PRELID2: variants seen among roughly 807,000 people sequenced by gnomAD.
PRELID2 encodes PRELI domain-containing protein 2.
A neutral mutation model predicts 28.4 loss-of-function variants in PRELID2; 25 were observed. The observed-to-expected ratio is 0.88, with a 90% CI of 0.64 to 1.23. PRELID2 has a LOEUF of 1.23. Ranked by LOEUF, PRELID2 falls within the 50% of genes most tolerant of loss-of-function variation. The pLI is 0.00. For synonymous variants in PRELID2, 76 were observed against 71.6 expected, an observed-to-expected ratio of 1.06 and a Z score of -0.31; for missense variants, 201 against 214.4, an observed-to-expected ratio of 0.94 and a Z score of 0.39.
At chr5:145,427,708 A>G in the PRELID2 span, among the ~76,000 whole-genome samples, 1 of 152,316 alleles carries the variant, frequency 6.6e-6, no homozygotes, top group East Asian at 1.9e-4. Flanking sequence ...TTAAAGGTAT[A>G]ATACAGTTTT....
At chr5:145,490,383 T>C (rs1309602490) in intron 1 of PRELID2, among the ~76,000 whole-genome samples, 1 of 152,206 alleles carries the variant, frequency 6.6e-6, no homozygotes, top group East Asian at 1.9e-4. Context: ...CCTCATCCGC[T>C]TATTTTAGAA....
intron 1 of PRELID2, among the ~76,000 whole-genome samples, chr5:145,662,636 T>A (rs1012717262): frequency 6.6e-6 from 1 of 152,072 alleles, no homozygotes; most frequent in African/African-American, 2.4e-5. Flanking sequence ...ATTAATGGGT[T>A]AATGGATTAA....
chr5:145,702,540 G>A (rs1457874081), intron 1 of PRELID2, among the ~76,000 whole-genome samples: 2 of 152,016 alleles, frequency 1.3e-5, no homozygotes, highest in African/African-American at 4.8e-5. Context: ...AAGAAAGAAA[G>A]AAAAAAACTC....
intron 6 of PRELID2, among the ~76,000 whole-genome samples, chr5:145,761,827 T>C (rs1226549770): frequency 6.6e-6 from 1 of 152,150 alleles, no homozygotes; most frequent in Non-Finnish European, 1.5e-5. Flanking sequence ...CCCACTTCTT[T>C]TAATGTAGCA....
chr5:145,352,369 G>T, the PRELID2 span, among the ~76,000 whole-genome samples: 4 of 152,150 alleles, frequency 2.6e-5, no homozygotes, highest in African/African-American at 9.7e-5. Flanking sequence ...AGCCACAAAG[G>T]CTTGGGGCTT....
chr5:145,782,090 C>A (rs141927877), intron 5 of PRELID2, among the ~76,000 whole-genome samples: 22 of 152,242 alleles, frequency 1.4e-4, no homozygotes, highest in African/African-American at 5.3e-4. Context: ...TAGAGGAACA[C>A]TAAGAAAGCA....
chr5:145,696,077 C>A (rs370225264), intron 1 of PRELID2, among the ~76,000 whole-genome samples: 72 of 148,560 alleles, frequency 4.8e-4, no homozygotes, highest in African/African-American at 1.8e-3. Context: ...AAATATAACT[C>A]TATATATATC....
the PRELID2 span, among the ~76,000 whole-genome samples, chr5:145,325,634 A>G: frequency 6.6e-6 from 1 of 152,198 alleles, no homozygotes; most frequent in African/African-American, 2.4e-5. Context: ...AAAAGACATT[A>G]CATAGTTTAC....
intron 1 of PRELID2, among the ~76,000 whole-genome samples, chr5:145,644,454 A>C (rs181348237): frequency 0.015 from 2,007 of 130,742 alleles, 44 homozygotes; most frequent in African/African-American, 0.053. Flanking sequence ...TGAACTTTTC[A>C]AAAAAAAACA....
intron 1 of PRELID2, among the ~76,000 whole-genome samples, chr5:145,624,060 TTTACTTATTA>T (rs1192060090): frequency 3.9e-5 from 6 of 152,176 alleles, no homozygotes; most frequent in African/African-American, 1.4e-4. Flanking sequence ...ACGAATGTGC[TTTACTTATTA>T]TTACCACTTT....
In PRELID2 at chr5:145,497,198, T is replaced by G. The variant is rs184069037; in HGVS notation, n.71-23883A>C. ...ATAATTTGAAGGCTTGTGTTTTGCATTATGTTTTAGAGATTTCCCAGGGGA... is the reference window on the plus strand; with the variant it reads ...ATAATTTGAAGGCTTGTGTTTTGCAGTATGTTTTAGAGATTTCCCAGGGGA... On this transcript the variant is annotated intron_variant and non_coding_transcript_variant, in intron 1 of 2. Transcript: ENST00000510259. Among the ~76,000 whole-genome samples, 490 of 152,256 alleles carry G rather than the reference T, an allele frequency of 3.2e-3. 3 individuals carry two copies. Among genetic ancestry groups the G allele is most frequent in the African/African-American group, 0.011 (466 of 41,560 alleles).
chr5:145,393,756 C>G, the PRELID2 span, among the ~76,000 whole-genome samples: 1 of 152,134 alleles, frequency 6.6e-6, no homozygotes, highest in Non-Finnish European at 1.5e-5. Flanking sequence ...ACAGAGAAAT[C>G]TTTAAACTTA....
the PRELID2 span, among the ~76,000 whole-genome samples, chr5:145,369,603 G>T: frequency 1.3e-5 from 2 of 151,998 alleles, no homozygotes; most frequent in East Asian, 3.8e-4. Context: ...CATCTTTATA[G>T]TATAATGATT....
the PRELID2 span, among the ~76,000 whole-genome samples, chr5:145,319,718 A>C: frequency 3.4e-5 from 5 of 148,474 alleles, no homozygotes; most frequent in South Asian, 2.1e-4. Flanking sequence ...TAAATAAATA[A>C]ATAAATAAAT....
Position 145,695,273 on chromosome 5 carries a change from G to C in PRELID2, n.70+69658C>G, listed in dbSNP as rs76291622. Among the ~76,000 whole-genome samples, 82 of 152,274 alleles carry C rather than the reference G, an allele frequency of 5.4e-4. No homozygotes were observed. In the East Asian group the frequency reaches 0.012, roughly 23 times the overall value. On this transcript the variant is annotated intron_variant and non_coding_transcript_variant, in intron 1 of 2. Transcript: ENST00000510259. Reference sequence around the variant, plus strand: ...GATGAGAATAAGTCAGTCACGTCAAGAGGCAGAAGAAGAGCTGCTTAAGTA... The same window carrying C: ...GATGAGAATAAGTCAGTCACGTCAACAGGCAGAAGAAGAGCTGCTTAAGTA...
At chr5:145,504,477 T>C (rs1780265431) in intron 1 of PRELID2, among the ~76,000 whole-genome samples, 1 of 152,186 alleles carries the variant, frequency 6.6e-6, no homozygotes. Context: ...AAACATTTTA[T>C]CTTTCATGTT....
At chr5:145,365,078 G>A in the PRELID2 span, among the ~76,000 whole-genome samples, 1 of 151,958 alleles carries the variant, frequency 6.6e-6, no homozygotes. Flanking sequence ...GAAGTAGAGA[G>A]TAGAATGGTA....
chr5:145,682,304 C>T (rs1395669018), intron 1 of PRELID2, among the ~76,000 whole-genome samples: 1 of 152,102 alleles, frequency 6.6e-6, no homozygotes, highest in African/African-American at 2.4e-5. Flanking sequence ...GTACAGTTTC[C>T]ACCTCTGATG....
the PRELID2 span, among the ~76,000 whole-genome samples, chr5:145,382,736 G>A: frequency 6.6e-6 from 1 of 151,908 alleles, no homozygotes; most frequent in South Asian, 2.1e-4. Flanking sequence ...TATGAGGCTG[G>A]TCTAGTGGCA....
Sources: allele counts gnomAD v4.1 joint callset (sites outside exome capture counted in the v4.1 genomes callset), GRCh38; gene constraint gnomAD v4.1.1; transcripts MANE v1.5; gene names NCBI Gene and HGNC (gene_info 2026-07-23, HGNC 2026-07-21).